Variants in R3HDM1 observed in about 807,000 individuals in gnomAD.
The protein encoded by R3HDM1 is R3H domain-containing protein 1.
Under a neutral mutation model 141.1 loss-of-function variants are expected in R3HDM1, and 46 were observed. The ratio of observed to expected loss-of-function variants is 0.33; its 90% CI spans 0.26 to 0.42. The LOEUF is 0.42. Among genes scored for constraint, R3HDM1 ranks in the 10% least tolerant of loss-of-function variants. The probability of loss-of-function intolerance (pLI) is 1.00; values close to 1 mark genes in which losing one functional copy is unlikely to be tolerated. For missense variants in R3HDM1, 1,184 were observed against 1,368.3 expected, an observed-to-expected ratio of 0.87 and a Z score of 2.12; for synonymous variants, 435 against 472.9, an observed-to-expected ratio of 0.92 and a Z score of 1.04.
intron 1 of R3HDM1, among the ~76,000 whole-genome samples, chr2:135,537,812 G>A (rs576991543): frequency 2.6e-5 from 4 of 151,814 alleles, no homozygotes; most frequent in South Asian, 2.1e-4. Context: ...ATGAGCCACC[G>A]CACCCAGTGG....
chr2:135,616,491 G>C (rs2061027421), intron 4 of R3HDM1, among the ~76,000 whole-genome samples, 177 bp from the exon 5 acceptor site: 1 of 152,074 alleles, frequency 6.6e-6, no homozygotes, highest in African/African-American at 2.4e-5. Flanking sequence ...GCAAATGTTT[G>C]TGTTCCTTCT....
intron 1 of R3HDM1, among the ~76,000 whole-genome samples, chr2:135,541,217 T>C (rs1697408900): frequency 1.3e-5 from 2 of 152,042 alleles, no homozygotes; most frequent in African/African-American, 4.8e-5. Context: ...CTTTTTTTTT[T>C]GGAGACAGAG....
At chr2:135,639,234 C>A in intron 14 of R3HDM1, 112 bp downstream of exon 14, 1 of 1,055,486 alleles carries the variant, frequency 9.5e-7, no homozygotes, top group Non-Finnish European at 1.4e-6. Flanking sequence ...AAATCACTAT[C>A]AATAGTACCT....
At chr2:135,715,468 A>G in intron 23 of R3HDM1, 82 bp from the exon 24 acceptor site, 1 of 1,404,460 alleles carries the variant, frequency 7.1e-7, no homozygotes, top group East Asian at 2.4e-5. Flanking sequence ...TTTTCTAACA[A>G]GTACGTATAT....
chr2:135,603,187 G>T (rs1240413190), intron 2 of R3HDM1, among the ~76,000 whole-genome samples: 1 of 151,962 alleles, frequency 6.6e-6, no homozygotes, highest in African/African-American at 2.4e-5. Context: ...ATGGGGTTTC[G>T]CCATGTTGGC....
In R3HDM1 at chr2:135,680,301, A is replaced by G. The variant is rs534776439; in HGVS notation, c.2436A>G (p.Pro812=). ...TGCCTGTTTACTATAGTGTCATTCC[A>G]CCTGGTCAACAAAACAATTTAAGGT... ...TGMPVYYSVI[P]PGQQNNLSSS... The change falls in exon 21 of 27, where the codon CCA becomes CCG. Residue 812 remains proline, a synonymous_variant. Coordinates refer to ENST00000683871, the MANE Select transcript of R3HDM1 (RefSeq NM_001378107.1). 2.5e-6 allele frequency: 4 copies of G among 1,614,038 alleles called. No individual in the cohort carries two copies. In the African/African-American group the frequency reaches 5.3e-5, roughly 22 times the overall value.
At chr2:135,606,839 A>G (rs2060112738) in intron 3 of R3HDM1, among the ~76,000 whole-genome samples, 1 of 151,290 alleles carries the variant, frequency 6.6e-6, no homozygotes, top group Non-Finnish European at 1.5e-5. Context: ...CTATTTTTGG[A>G]GAAAATATTC....
In R3HDM1 at chr2:135,621,539, A is replaced by G; in HGVS notation, c.349A>G (p.Lys117Glu). 1 of 1,601,634 alleles carries G rather than the reference A, an allele frequency of 6.2e-7. No individual in the cohort carries two copies. The highest frequency in any genetic ancestry group is 8.5e-7 in the Non-Finnish European group (1 of 1,174,248). Residue 117 changes from lysine (K) to glutamate (E), a missense_variant, in exon 6 of 27, where the codon AAG becomes GAG. By Grantham distance (56) the Lys-to-Glu change is moderately conservative. Transcript: ENST00000683871. ...AACACAATCATTTGAGAAAGAAGAG[A>G]AGCCCTCAAAAGATGAAGCAGAAAA... ...QLTQSFEKEE[K>E]PSKDEAEKEK...
intron 1 of R3HDM1, among the ~76,000 whole-genome samples, chr2:135,562,586 T>A (rs1163498369): frequency 6.6e-6 from 1 of 152,206 alleles, no homozygotes; most frequent in African/African-American, 2.4e-5. Context: ...CACTTACCAA[T>A]ATCTAGACTT....
At chr2:135,707,859 CT>C (rs1252925148) in intron 21 of R3HDM1, among the ~76,000 whole-genome samples, 3 of 152,186 alleles carry the variant, frequency 2.0e-5, no homozygotes, top group Non-Finnish European at 1.5e-5. Flanking sequence ...TCCAAAATCA[CT>C]TTCTATTAAA....
intron 25 of R3HDM1, 67 bp downstream of exon 25, chr2:135,722,073 G>A: frequency 6.8e-7 from 1 of 1,462,944 alleles, no homozygotes; most frequent in Non-Finnish European, 9.5e-7. Flanking sequence ...AGTGTAAGGG[G>A]CAACCCTGAG....
intron 1 of R3HDM1, among the ~76,000 whole-genome samples, chr2:135,532,562 A>AATATAT (rs34099775): frequency 8.6e-5 from 13 of 150,390 alleles, no homozygotes; most frequent in Admixed American, 2.0e-4. Flanking sequence ...AAATTTTCTA[A>AATATAT]ATATATATAT....
intron 7 of R3HDM1, among the ~76,000 whole-genome samples, chr2:135,626,192 C>CTT (rs1210660850): frequency 4.1e-4 from 57 of 138,698 alleles, no homozygotes; most frequent in African/African-American, 1.6e-3. Flanking sequence ...TGCGTGCGTG[C>CTT]GTGCGTGCGT....
chr2:135,566,890 T>C, intron 1 of R3HDM1: 1 of 437,274 alleles, frequency 2.3e-6, no homozygotes, highest in Non-Finnish European at 3.0e-6. Context: ...AAGAATCACT[T>C]GAACTTGGGA....
intron 3 of R3HDM1, among the ~76,000 whole-genome samples, chr2:135,610,727 A>C (rs1038819666): frequency 6.6e-6 from 1 of 152,254 alleles, no homozygotes; most frequent in African/African-American, 2.4e-5. Flanking sequence ...TAAGAAATGA[A>C]GTATTTTTTT....
At chr2:135,572,357 G>T (rs532737227) in intron 1 of R3HDM1, among the ~76,000 whole-genome samples, 8 of 152,164 alleles carry the variant, frequency 5.3e-5, no homozygotes, top group Non-Finnish European at 8.8e-5. Context: ...TTTAAAAGGG[G>T]CAAATGATCT....
Position 135,559,048 on chromosome 2 carries a change from AAAGTGTGT to A in R3HDM1, c.-250+27416_-250+27423del, listed in dbSNP as rs1191892858. The A allele has an allele frequency of 7.4e-6, 7 of 951,716 alleles. No homozygotes were observed. In the African/African-American group the frequency reaches 1.6e-4, roughly 21 times the overall value. 59.0% of individuals were successfully genotyped at this position (951,716 alleles called of 1,614,324 possible). ...TTATCAGTGGTATTTATGATTCCAC[AAAGTGTGT>A]GTGTGTGTGTGTGTGTGTGTGTGTG... On this transcript the variant is annotated intron_variant, in intron 1 of 26. Coordinates refer to ENST00000683871, the MANE Select transcript of R3HDM1 (RefSeq NM_001378107.1).
intron 18 of R3HDM1, among the ~76,000 whole-genome samples, chr2:135,654,099 C>T (rs978573639): frequency 6.6e-6 from 1 of 152,090 alleles, no homozygotes; most frequent in Non-Finnish European, 1.5e-5. Flanking sequence ...TAAAAGGAAA[C>T]CCCATATCTG....
At chr2:135,580,324 G>GC (rs1213501002) in intron 1 of R3HDM1, among the ~76,000 whole-genome samples, 1 of 152,130 alleles carries the variant, frequency 6.6e-6, no homozygotes, top group East Asian at 1.9e-4. Flanking sequence ...TGTTATCTGA[G>GC]CTCAGAAGCC....
Sources: gnomAD v4.1 joint callset for allele counts (sites outside exome capture counted in the v4.1 genomes callset) on GRCh38, gnomAD v4.1.1 for gene constraint, MANE v1.5 for transcripts, NCBI Gene and HGNC (gene_info 2026-07-23, HGNC 2026-07-21) for gene names.